The following DOCK9 variants were observed in gnomAD, a reference collection of about 807,000 sequenced individuals.
The protein encoded by DOCK9 is dedicator of cytokinesis 9.
Under a neutral mutation model 263.3 loss-of-function variants are expected in DOCK9, and 89 were observed. The ratio of observed to expected loss-of-function variants is 0.34; its 90% CI spans 0.28 to 0.40. The LOEUF is 0.40. Ranked by LOEUF, DOCK9 falls within the 10% of genes least tolerant of loss-of-function variation. DOCK9 has a pLI of 1.00. For missense variants in DOCK9, 2,140 were observed against 2,603.4 expected (o/e 0.82, Z 3.87); for synonymous variants, 976 against 973.1 (o/e 1.00, Z -0.06).
chr13:99,023,582 T>C (rs765254824), intron 1 of DOCK9, among the ~76,000 whole-genome samples: 10 of 152,250 alleles, frequency 6.6e-5, no homozygotes, highest in Non-Finnish European at 1.5e-4. Flanking sequence ...AATGTGAATG[T>C]ACCGAGTATC....
intron 1 of DOCK9, among the ~76,000 whole-genome samples, chr13:99,053,197 A>G (rs1200513442): frequency 1.3e-5 from 2 of 152,224 alleles, no homozygotes; most frequent in Non-Finnish European, 1.5e-5. Context: ...TTGAAATCAG[A>G]TAAGAATTAT....
chr13:98,995,485 C>CTT (rs140398881), intron 1 of DOCK9, among the ~76,000 whole-genome samples: 16,846 of 121,194 alleles, frequency 0.14, 1,874 homozygotes, highest in East Asian at 0.41. Flanking sequence ...GAGGAAGATA[C>CTT]TTTTTTTTTT....
At chr13:98,947,934 G>A (rs976965174) in intron 2 of DOCK9, among the ~76,000 whole-genome samples, 1 of 152,156 alleles carries the variant, frequency 6.6e-6, no homozygotes, top group African/African-American at 2.4e-5. Context: ...AGAATTTTGA[G>A]GAATTTATGA....
intron 1 of DOCK9, among the ~76,000 whole-genome samples, chr13:99,045,559 A>C (rs1888898583): frequency 6.6e-6 from 1 of 152,146 alleles, no homozygotes. Flanking sequence ...AGCTAGGGGG[A>C]ATACAGTATA....
intron 1 of DOCK9, among the ~76,000 whole-genome samples, chr13:98,970,450 GCA>G (rs2059626469): frequency 6.6e-6 from 1 of 152,218 alleles, no homozygotes; most frequent in Non-Finnish European, 1.5e-5. Flanking sequence ...TGTCTGATAT[GCA>G]ATGCAGTCCT....
chr13:98,799,001 G>A (rs1184689482), intron 50 of DOCK9, among the ~76,000 whole-genome samples: 1 of 152,170 alleles, frequency 6.6e-6, no homozygotes, highest in Non-Finnish European at 1.5e-5. Context: ...TTGATTGAGT[G>A]GTTTTGTTTT....
At chr13:98,980,205 T>A (rs1360422054), upstream of DOCK9, among the ~76,000 whole-genome samples, 1 of 152,220 alleles carries the variant, frequency 6.6e-6, no homozygotes, top group African/African-American at 2.4e-5. Flanking sequence ...ATTTGTTGGG[T>A]CAAAATACCC....
At chr13:98,862,994 A>C in intron 32 of DOCK9, 25 bp downstream of exon 32, 5 of 1,573,812 alleles carry the variant, frequency 3.2e-6, no homozygotes, top group Non-Finnish European at 4.3e-6. Context: ...ATATAGGCTG[A>C]GTTAATGTGA....
At chr13:98,854,821 C>A (rs530546494) in intron 34 of DOCK9, 6 of 152,198 alleles carry the variant, frequency 3.9e-5, no homozygotes. Context: ...CGCACCTCAA[C>A]AGAACTGCAT....
chr13:98,818,342 A>G (rs1218238137), intron 45 of DOCK9, among the ~76,000 whole-genome samples: 1 of 152,242 alleles, frequency 6.6e-6, no homozygotes, highest in Non-Finnish European at 1.5e-5. Flanking sequence ...ACCAAGACAC[A>G]ATAACTAAAC....
In DOCK9 at chr13:98,885,709, T is replaced by G. The variant is rs191047852; in HGVS notation, c.2259A>C (p.Gln753His). 37 of 1,609,802 alleles carry G rather than the reference T, an allele frequency of 2.3e-5. No homozygotes were observed. In the Admixed American group the frequency reaches 3.7e-4, roughly 16 times the overall value. ...STKKRDVVET[Q>H]VGYSWLPLLK... is the part of the protein sequence containing the mutation. Reference sequence around the variant, plus strand: ...AAAGGAATGGTAAGCCCCCCCAACCTTGGGTTTCAACGACATCCCTCTTCT... The same window carrying G: ...AAAGGAATGGTAAGCCCCCCCAACCGTGGGTTTCAACGACATCCCTCTTCT... The change falls in exon 20 of 53, where the codon CAA becomes CAC. Residue 753 changes from glutamine (Q) to histidine (H), a missense_variant and splice_region_variant. Transcript: ENST00000682017.
intron 1 of DOCK9, among the ~76,000 whole-genome samples, chr13:98,970,592 C>T (rs2059639957): frequency 6.6e-6 from 1 of 152,158 alleles, no homozygotes; most frequent in Non-Finnish European, 1.5e-5. Context: ...GAGACTGGCT[C>T]CTCCCCGGGA....
chr13:98,809,401 G>C lies in DOCK9; in HGVS notation c.5318C>G (p.Ser1773Trp). The C allele has an allele frequency of 6.2e-7, 1 of 1,613,812 alleles. No individual in the cohort carries two copies. The highest frequency in any genetic ancestry group is 8.5e-7 in the Non-Finnish European group (1 of 1,179,862). ...AYSKVTEVMH[S>W]GRRLLGTYFR... The stretch of plus-strand genomic sequence containing the variant: ...GTAGGTCCCCAGAAGCCTGCGGCCC[G>C]AGTGCATGACCTCGGTCACTTTGCT... The change falls in exon 47 of 53, where the codon TCG becomes TGG. Residue 1773 changes from serine to tryptophan, a missense_variant. Ser to Trp is a radical substitution (Grantham distance 177). This residue lies in a region of DOCK9 where 619 missense variants were observed against 861.8 expected (regional missense o/e 0.72). Transcript: ENST00000682017.
rs561556334 is a variant in DOCK9 at position 99,009,074 on chromosome 13, G to C, written c.130-53523C>G. ...GTGTTCCTGGACACTGGCATGCTTA[G>C]TTTCTACAATAAGTGTGCATTACTA... On this transcript the variant is annotated intron_variant, in intron 1 of 32. Coordinates refer to the DOCK9 transcript ENST00000427887. Among the ~76,000 whole-genome samples the C allele has an allele frequency of 5.9e-5, 9 of 152,316 alleles. No homozygotes were observed. In the South Asian group the frequency reaches 6.2e-4, roughly 11 times the overall value.
intron 1 of DOCK9, among the ~76,000 whole-genome samples, chr13:99,078,164 G>C (rs1278213453): frequency 6.6e-6 from 1 of 152,118 alleles, no homozygotes; most frequent in Non-Finnish European, 1.5e-5. Context: ...AGAAGAGTCA[G>C]GCAGGAAAAC....
chr13:99,078,328 T>C (rs1020647696), intron 1 of DOCK9, among the ~76,000 whole-genome samples: 1 of 152,116 alleles, frequency 6.6e-6, no homozygotes, highest in Non-Finnish European at 1.5e-5. Flanking sequence ...GAAGAGACCC[T>C]TTAGGAATGC....
At chr13:98,866,364 C>T (rs1284948789) in intron 30 of DOCK9, among the ~76,000 whole-genome samples, 2 of 152,140 alleles carry the variant, frequency 1.3e-5, no homozygotes, top group African/African-American at 4.8e-5. Flanking sequence ...GGGCCACAGT[C>T]CCCCTGCCTG....
At chr13:99,019,246 T>C (rs375924974) in intron 1 of DOCK9, among the ~76,000 whole-genome samples, 4 of 152,280 alleles carry the variant, frequency 2.6e-5, no homozygotes, top group East Asian at 3.9e-4. Context: ...TATGGGGTCA[T>C]TGCTAGCGGG....
intron 2 of DOCK9, among the ~76,000 whole-genome samples, chr13:98,951,275 A>G (rs2057379362): frequency 2.6e-5 from 4 of 152,208 alleles, no homozygotes; most frequent in Admixed American, 1.3e-4. Flanking sequence ...TGCCAAACCA[A>G]ATCATTGATC....
Sources: allele counts gnomAD v4.1 joint callset (sites outside exome capture counted in the v4.1 genomes callset), GRCh38; gene constraint gnomAD v4.1.1; regional missense constraint gnomAD v4.1.1; transcripts MANE v1.5; gene names NCBI Gene and HGNC (gene_info 2026-07-23, HGNC 2026-07-21).